The following EXOC6B variants were observed in gnomAD, a reference collection of about 807,000 sequenced individuals.
EXOC6B encodes exocyst complex component 6B.
A neutral mutation model predicts 113.5 loss-of-function variants in EXOC6B; 54 were observed. That is an observed-to-expected ratio of 0.48 (90% CI 0.38 to 0.60). The LOEUF (loss-of-function observed/expected upper bound fraction) is 0.60. Among genes scored for constraint, EXOC6B ranks in the 20% least tolerant of loss-of-function variants. The probability of loss-of-function intolerance (pLI) is 0.00; values close to 1 mark genes in which losing one functional copy is unlikely to be tolerated. For missense variants in EXOC6B, 797 were observed against 977.5 expected (o/e 0.82, Z 2.46); for synonymous variants, 357 against 339.0 (o/e 1.05, Z -0.58).
chr2:72,434,287 G>C (rs955172530), intron 18 of EXOC6B, among the ~76,000 whole-genome samples: 1 of 152,182 alleles, frequency 6.6e-6, no homozygotes, highest in Non-Finnish European at 1.5e-5. Flanking sequence ...TTTTTGATGG[G>C]CTGCTGGATT....
At chr2:72,406,705 T>G (rs903963813) in intron 18 of EXOC6B, among the ~76,000 whole-genome samples, 11 of 152,050 alleles carry the variant, frequency 7.2e-5, no homozygotes, top group Admixed American at 6.5e-4. Flanking sequence ...TTCAAAGAAG[T>G]GTGTAGAGGG....
At chr2:72,420,330 G>A (rs887902903) in intron 18 of EXOC6B, among the ~76,000 whole-genome samples, 1 of 151,946 alleles carries the variant, frequency 6.6e-6, no homozygotes, top group African/African-American at 2.4e-5. Context: ...AGTGGATTGT[G>A]GCATCCATCA....
intron 17 of EXOC6B, among the ~76,000 whole-genome samples, chr2:72,466,630 G>A (rs1367266815): frequency 6.6e-6 from 1 of 151,982 alleles, no homozygotes; most frequent in Non-Finnish European, 1.5e-5. Context: ...GTTTACTAAT[G>A]TGAACAATGC....
intron 1 of EXOC6B, among the ~76,000 whole-genome samples, chr2:72,787,651 A>T (rs1227838037): frequency 6.6e-6 from 1 of 152,036 alleles, no homozygotes; most frequent in Non-Finnish European, 1.5e-5. Flanking sequence ...TACTGGTCTA[A>T]TTTCTTTGTT....
chr2:72,375,833 C>T (rs540192191), intron 19 of EXOC6B, among the ~76,000 whole-genome samples: 1 of 152,148 alleles, frequency 6.6e-6, no homozygotes, highest in Non-Finnish European at 1.5e-5. Context: ...TAGAAATTAG[C>T]TAGGCATCTG....
rs758906963 is a variant in EXOC6B at position 72,307,161 on chromosome 2, G to GTTTTTGTTTTTTTGTTTTTT, written c.2196+27785_2196+27786insAAAAAACAAAAAAACAAAAA. ...TCCATGACTGCAATGGTATAGTCCAGTTTTTTTTTTTTTGAGACGGAGTCT... is the reference window on the plus strand; with the variant it reads ...TCCATGACTGCAATGGTATAGTCCAGTTTTTGTTTTTTTGTTTTTTTTTTTTTTTTTTTGAGACGGAGTCT... On this transcript the variant is annotated intron_variant, in intron 20 of 21. Transcript: ENST00000272427. Among the ~76,000 whole-genome samples the GTTTTTGTTTTTTTGTTTTTT allele has an allele frequency of 1.5e-3, 190 of 128,486 alleles. 2 individuals carry two copies. The highest frequency in any genetic ancestry group is 2.4e-3 in the South Asian group (11 of 4,544). 84.3% of individuals were successfully genotyped at this position (128,486 alleles called of 152,430 possible). A position where few individuals can be genotyped will look rare whatever the true frequency, so the allele number is the denominator to read the frequency against.
chr2:72,228,279 T>A (rs956360147), intron 20 of EXOC6B, among the ~76,000 whole-genome samples: 3 of 152,100 alleles, frequency 2.0e-5, no homozygotes, highest in Non-Finnish European at 2.9e-5. Flanking sequence ...TCTTTTTTTT[T>A]ATTATACTTT....
intron 6 of EXOC6B, among the ~76,000 whole-genome samples, chr2:72,690,731 C>A (rs1677428653): frequency 6.6e-6 from 1 of 152,120 alleles, no homozygotes; most frequent in Non-Finnish European, 1.5e-5. Flanking sequence ...GTACTTGGGG[C>A]TCATTTCCAC....
rs115535234 is a variant in EXOC6B, at chr2:72,412,622, T to C, written c.1981-32752A>G. Among the ~76,000 whole-genome samples, 746 of 152,340 alleles carry C rather than the reference T, an allele frequency of 4.9e-3. 10 individuals are homozygous for C. Among genetic ancestry groups the C allele is most frequent in the African/African-American group, 0.017 (692 of 41,580 alleles). ...AAAAAGTTATTTTGCTTAGTCCTACTTTTTGGAGCTAAGATAACACTTTAG... is the reference window on the plus strand; with the variant it reads ...AAAAAGTTATTTTGCTTAGTCCTACCTTTTGGAGCTAAGATAACACTTTAG... On this transcript the variant is annotated intron_variant, in intron 18 of 21. Transcript: ENST00000272427.
intron 6 of EXOC6B, among the ~76,000 whole-genome samples, chr2:72,715,049 G>A (rs928987569): frequency 1.3e-5 from 2 of 151,938 alleles, no homozygotes; most frequent in African/African-American, 2.4e-5. Context: ...GGTGGATCAC[G>A]AGGTCAAGAG....
intron 8 of EXOC6B, among the ~76,000 whole-genome samples, chr2:72,533,502 A>G (rs1401943962): frequency 6.6e-6 from 1 of 152,236 alleles, no homozygotes; most frequent in East Asian, 1.9e-4. Flanking sequence ...TCATAAGGCA[A>G]CACTCCCAAT....
chr2:72,538,568 T>C (rs1277244573), intron 8 of EXOC6B, among the ~76,000 whole-genome samples: 1 of 152,186 alleles, frequency 6.6e-6, no homozygotes, highest in Non-Finnish European at 1.5e-5. Context: ...CACATCTTGA[T>C]TCAGAATATT....
At chr2:72,339,108 T>C (rs1233703039) in intron 19 of EXOC6B, among the ~76,000 whole-genome samples, 2 of 151,944 alleles carry the variant, frequency 1.3e-5, no homozygotes, top group Admixed American at 1.3e-4. Context: ...TGCTGCTTGA[T>C]AGAAAGAAAA....
In EXOC6B at chr2:72,299,935, G is replaced by A. The variant is rs183089573; in HGVS notation, c.2196+35012C>T. Among the ~76,000 whole-genome samples the A allele has an allele frequency of 5.3e-5, 8 of 152,144 alleles. 1 individual carries two copies. The highest frequency in any genetic ancestry group is 3.9e-4 in the East Asian group (2 of 5,146). ...AAACTTCGTCCCAGAGCTCTAGAGC[G>A]CTCCTGTATGAGGTGTCTGTTGGCC... On this transcript the variant is annotated intron_variant, in intron 20 of 21. Coordinates refer to ENST00000272427, the MANE Select transcript of EXOC6B (RefSeq NM_015189.3).
chr2:72,349,497 A>G (rs889576942), intron 19 of EXOC6B, among the ~76,000 whole-genome samples: 1 of 152,192 alleles, frequency 6.6e-6, no homozygotes, highest in African/African-American at 2.4e-5. Flanking sequence ...ATTGAGCTCA[A>G]TCATGTGACT....
intron 6 of EXOC6B, among the ~76,000 whole-genome samples, chr2:72,666,738 A>T (rs1675417730): frequency 6.6e-6 from 1 of 151,526 alleles, no homozygotes; most frequent in Admixed American, 6.6e-5. Context: ...CAATTACATT[A>T]TAGCAGAGAA....
In EXOC6B at chr2:72,825,838, T is replaced by C. The variant is rs1408412166; in HGVS notation, c.73A>G (p.Ile25Val). 19 of 1,613,404 alleles carry C rather than the reference T, an allele frequency of 1.2e-5. No homozygotes were observed. In the Admixed American group the frequency reaches 2.5e-4, roughly 21 times the overall value. ...AAEHERILRE[I>V]ESTDTACIGP... ...ATGCAGGCCGTGTCAGTGCTCTCGA[T>C]CTCTCGCAGGATCCGCTCGTGCTCT... The change falls in exon 1 of 22, where the codon ATC (isoleucine) becomes GTC (valine). Residue 25 changes from isoleucine to valine, a missense_variant. Physicochemically the swap from Ile to Val is conservative, Grantham distance 29. Coordinates refer to ENST00000272427, the MANE Select transcript of EXOC6B (RefSeq NM_015189.3). This position sits in a 1 kb window ranked among gnomAD's most constrained non-coding sequence, Gnocchi z 4.4.
intron 1 of EXOC6B, among the ~76,000 whole-genome samples, chr2:72,778,838 G>A (rs970335837): frequency 1.2e-4 from 18 of 151,830 alleles, no homozygotes; most frequent in African/African-American, 3.4e-4. Flanking sequence ...TCCAAAATTC[G>A]TTTTCTTCAG....
At chr2:72,566,829 C>T (rs1253241242) in intron 7 of EXOC6B, among the ~76,000 whole-genome samples, 1 of 151,868 alleles carries the variant, frequency 6.6e-6, no homozygotes, top group Non-Finnish European at 1.5e-5. Flanking sequence ...CAATGGAGTA[C>T]TATTTAGCAG....
Sources: allele counts gnomAD v4.1 joint callset (sites outside exome capture counted in the v4.1 genomes callset), GRCh38; gene constraint gnomAD v4.1.1; non-coding constraint Gnocchi (gnomAD v3.1); transcripts MANE v1.5; gene names NCBI Gene and HGNC (gene_info 2026-07-23, HGNC 2026-07-21).